SPRY3: variants seen among roughly 807,000 people sequenced by gnomAD.
The protein encoded by SPRY3 is sprouty RTK signaling antagonist 3.
A neutral mutation model predicts 20.2 loss-of-function variants in SPRY3; 15 were observed. The observed-to-expected ratio is 0.74, with a 90% confidence interval of 0.50 to 1.14. SPRY3 has a LOEUF of 1.14. Among genes scored for constraint, SPRY3 ranks in the 50% most tolerant of loss-of-function variants. SPRY3 has a pLI of 0.00. For missense variants in SPRY3, 364 were observed against 363.9 expected (o/e 1.00, Z 0.00); for synonymous variants, 143 against 136.5 (o/e 1.05, Z -0.33).
At chrX:155,725,725 C>T (rs1224809445) in intron 2 of SPRY3, among the ~76,000 whole-genome samples, 1 of 151,900 alleles carries the variant, frequency 6.6e-6, no homozygotes, top group Non-Finnish European at 1.5e-5. Context: ...TCTTATTAGT[C>T]TTGCTAGCGG....
intron 2 of SPRY3, chrX:155,767,739 A>AGAGG (rs2091347658): frequency 4.1e-5 from 2 of 48,648 alleles, no homozygotes; most frequent in African/African-American, 1.1e-4. Context: ...AGGAGGAGAG[A>AGAGG]GAGGAGGAGG....
chrX:155,672,280 C>T (rs1330360449), intron 2 of SPRY3, among the ~76,000 whole-genome samples: 1 of 109,850 alleles, frequency 9.1e-6, no homozygotes, highest in Non-Finnish European at 1.9e-5. Flanking sequence ...AACAGACAAC[C>T]TACAAAATGC....
At chrX:155,676,961 T>G (rs1039490578) in intron 2 of SPRY3, among the ~76,000 whole-genome samples, 1 of 112,220 alleles carries the variant, frequency 8.9e-6, no homozygotes, top group East Asian at 2.8e-4. Context: ...ACAGACATCT[T>G]GGGCCTCTTT....
chrX:155,744,550 A>G (rs2091217173), intron 2 of SPRY3, among the ~76,000 whole-genome samples: 1 of 152,114 alleles, frequency 6.6e-6, no homozygotes, highest in African/African-American at 2.4e-5. Context: ...TGGCAAACGC[A>G]GTTTAAAGTG....
chrX:155,614,024 G>A (rs2067841720), intron 1 of SPRY3, among the ~76,000 whole-genome samples: 2 of 111,899 alleles, frequency 1.8e-5, no homozygotes, highest in South Asian at 7.4e-4. Context: ...TCTAGAACCA[G>A]TGTGTAAACA....
At chrX:155,753,896 AGAGAT>A (rs2091273790) in intron 2 of SPRY3, among the ~76,000 whole-genome samples, 1 of 151,912 alleles carries the variant, frequency 6.6e-6, no homozygotes, top group African/African-American at 2.4e-5. Context: ...GTGTCTTTGA[AGAGAT>A]GTCTATTCAA....
At chrX:155,776,353 CCTGG>C (rs1410715496) in exon 4 of SPRY3, 2 of 167,074 alleles carry the variant, frequency 1.2e-5, no homozygotes, top group African/African-American at 4.8e-5. Flanking sequence ...TGTGCTTGCT[CCTGG>C]CTTTGTCTGC....
downstream of SPRY3, chrX:155,779,813 C>G (rs965286066): frequency 6.0e-6 from 1 of 166,980 alleles, no homozygotes. Context: ...ACCTTTTATT[C>G]ACATATACAA....
chrX:155,781,860 G>C (rs188325052), exon 2 of SPRY3: 2 of 166,568 alleles, frequency 1.2e-5, no homozygotes, highest in East Asian at 3.9e-4. Flanking sequence ...GAACACTTGT[G>C]TAGGTCGTAT....
At chrX:155,648,253 G>C (rs1270762859) in intron 1 of SPRY3, among the ~76,000 whole-genome samples, 2 of 112,064 alleles carry the variant, frequency 1.8e-5, no homozygotes, top group Non-Finnish European at 3.8e-5. Flanking sequence ...GTAGGTTGCT[G>C]GTTCACTCTG....
chrX:155,775,986 C>A (rs1301687026), exon 4 of SPRY3: 17 of 167,112 alleles, frequency 1.0e-4, no homozygotes. Context: ...GCCCCCAAGG[C>A]CGCACACTGA....
chrX:155,648,000 A>T (rs1381412047), intron 1 of SPRY3, among the ~76,000 whole-genome samples: 1 of 111,909 alleles, frequency 8.9e-6, no homozygotes, highest in Non-Finnish European at 1.9e-5. Context: ...CGCCATTCTA[A>T]CTGGCATGAG....
At chrX:155,741,895 T>G (rs1469450074) in intron 2 of SPRY3, among the ~76,000 whole-genome samples, 1 of 152,048 alleles carries the variant, frequency 6.6e-6, no homozygotes, top group Admixed American at 6.6e-5. Context: ...TAAAACACAC[T>G]GAAATACAGA....
intron 2 of SPRY3, among the ~76,000 whole-genome samples, chrX:155,713,369 C>G (rs781688414): frequency 6.6e-6 from 1 of 152,070 alleles, no homozygotes; most frequent in East Asian, 1.9e-4. Flanking sequence ...GAGGTACTCC[C>G]TTTAGCATTT....
chrX:155,693,191 A>T (rs2124576059), intron 2 of SPRY3, among the ~76,000 whole-genome samples: 1 of 111,076 alleles, frequency 9.0e-6, no homozygotes, highest in African/African-American at 3.3e-5. Flanking sequence ...ATTATCATTC[A>T]TCTCAAAATA....
chrX:155,713,295 A>G lies in SPRY3; in HGVS notation c.-281-54667A>G, dbSNP rs1002407860. On this transcript the variant is annotated intron_variant, in intron 2 of 3. Coordinates refer to ENST00000675360, the Ensembl canonical transcript of SPRY3. ...ATTTTTCTGTGTGCATACTATTACC[A>G]GTGAGTTTTGTACCTTTAAATAATT... Among the ~76,000 whole-genome samples the G allele has an allele frequency of 6.6e-5, 10 of 152,044 alleles. 1 individual carries two copies. Among genetic ancestry groups the G allele is most frequent in the Non-Finnish European group, 1.3e-4 (9 of 67,986 alleles).
chrX:155,718,812 G>C (rs942897985), intron 2 of SPRY3, among the ~76,000 whole-genome samples: 1 of 151,964 alleles, frequency 6.6e-6, no homozygotes, highest in South Asian at 2.1e-4. Context: ...GAAGCCAAAC[G>C]CAAAATCTGG....
intron 2 of SPRY3, among the ~76,000 whole-genome samples, chrX:155,714,367 C>T (rs2091006938): frequency 6.6e-6 from 1 of 151,666 alleles, no homozygotes; most frequent in East Asian, 1.9e-4. Context: ...TCCAGGTATT[C>T]AAAGGGATTT....
chrX:155,749,448 G>C (rs1164103148), intron 2 of SPRY3, among the ~76,000 whole-genome samples: 1 of 151,760 alleles, frequency 6.6e-6, no homozygotes, highest in Non-Finnish European at 1.5e-5. Flanking sequence ...GGAAGAGAAG[G>C]CCTCTCTGAT....
Sources: gnomAD v4.1 joint callset for allele counts (sites outside exome capture counted in the v4.1 genomes callset) on GRCh38, gnomAD v4.1.1 for gene constraint, MANE v1.5 for transcripts, NCBI Gene and HGNC (gene_info 2026-07-23, HGNC 2026-07-21) for gene names.